CD247: variants seen among roughly 807,000 people sequenced by gnomAD.
The protein encoded by CD247 is CD247 molecule.
A neutral mutation model predicts 30.0 loss-of-function variants in CD247; 13 were observed. The ratio of observed to expected loss-of-function variants is 0.43; its 90% CI spans 0.28 to 0.69. The LOEUF (loss-of-function observed/expected upper bound fraction) is 0.69, where lower values mean the gene tolerates loss of function less well. Among genes scored for constraint, CD247 ranks in the 30% least tolerant of loss-of-function variants. The probability of loss-of-function intolerance (pLI) is 0.16; values close to 1 mark genes in which losing one functional copy is unlikely to be tolerated. For missense variants in CD247, 193 were observed against 212.6 expected, an observed-to-expected ratio of 0.91 and a Z score of 0.57; for synonymous variants, 72 against 80.0, an observed-to-expected ratio of 0.90 and a Z score of 0.53.
chr1:167,493,194 C>T (rs541369387), intron 1 of CD247, among the ~76,000 whole-genome samples: 57 of 152,018 alleles, frequency 3.7e-4, no homozygotes, highest in Non-Finnish European at 5.6e-4. Context: ...AGGTGTCCAC[C>T]ACTATGCCCA....
chr1:167,486,080 GGCCTCAGCTCT>G (rs1654195734), intron 1 of CD247, among the ~76,000 whole-genome samples: 1 of 152,188 alleles, frequency 6.6e-6, no homozygotes, highest in Admixed American at 6.5e-5. Context: ...AGGGGCAGGT[GGCCTCAGCTCT>G]GCTGCTCTCA....
intron 1 of CD247, among the ~76,000 whole-genome samples, chr1:167,507,211 G>A (rs916707212): frequency 2.0e-5 from 3 of 151,724 alleles, no homozygotes; most frequent in Non-Finnish European, 2.9e-5. Flanking sequence ...AAGCCACCAC[G>A]CCTGGCCTGA....
At position 167,494,987 on chromosome 1, in the gene CD247, C is replaced by A. The variant is rs1432821507; in HGVS notation, c.58+23421G>T. 1.3e-5 allele frequency among the ~76,000 whole-genome samples: 2 copies of A among 152,152 alleles called. No individual in the cohort carries two copies. Among genetic ancestry groups the A allele is most frequent in the Non-Finnish European group, 2.9e-5 (2 of 68,024 alleles). On this transcript the variant is annotated intron_variant, in intron 1 of 7. Transcript: ENST00000362089. The surrounding 1 kb of genome is among the most constrained non-coding windows in gnomAD (Gnocchi z 7.3). ...CTTGTGTCCGAGGAGCAGTGTTGGACCCTCAATTCAGACAAAGTGGGAAGG... is the reference window on the plus strand; with the variant it reads ...CTTGTGTCCGAGGAGCAGTGTTGGAACCTCAATTCAGACAAAGTGGGAAGG...
intron 1 of CD247, among the ~76,000 whole-genome samples, chr1:167,467,751 C>G (rs760911385): frequency 6.6e-6 from 1 of 152,294 alleles, no homozygotes; most frequent in East Asian, 1.9e-4. Flanking sequence ...CCACATGAAC[C>G]CCAGCACAGT....
At chr1:167,482,147 G>C (rs1482113357) in intron 1 of CD247, among the ~76,000 whole-genome samples, 2 of 152,190 alleles carry the variant, frequency 1.3e-5, no homozygotes, top group Non-Finnish European at 2.9e-5. Context: ...TCTGGCCTGA[G>C]GATGACCATG....
intron 1 of CD247, among the ~76,000 whole-genome samples, chr1:167,506,510 G>A (rs778685574): frequency 7.2e-5 from 11 of 152,034 alleles, no homozygotes; most frequent in Non-Finnish European, 1.3e-4. Context: ...ACCGTGCCCA[G>A]CGAATATTTT....
intron 1 of CD247, among the ~76,000 whole-genome samples, chr1:167,477,869 C>A (rs1175071550): frequency 6.6e-6 from 1 of 152,146 alleles, no homozygotes; most frequent in African/African-American, 2.4e-5. Flanking sequence ...TATCTTAGTG[C>A]AAAACTTGGA....
chr1:167,490,146 C>T (rs1297196961), intron 1 of CD247, among the ~76,000 whole-genome samples: 1 of 152,206 alleles, frequency 6.6e-6, no homozygotes, highest in Non-Finnish European at 1.5e-5. Flanking sequence ...TATCCGGGAC[C>T]TACGGCGGCG....
At chr1:167,458,264 G>A (rs540861359) in intron 1 of CD247, among the ~76,000 whole-genome samples, 14 of 152,332 alleles carry the variant, frequency 9.2e-5, no homozygotes, top group Middle Eastern at 3.4e-3. Context: ...GCTCTTCACC[G>A]TCCCTGCTGT....
At chr1:167,446,388 A>C (rs1383283651) in intron 1 of CD247, among the ~76,000 whole-genome samples, 1 of 151,880 alleles carries the variant, frequency 6.6e-6, no homozygotes, top group Non-Finnish European at 1.5e-5. Context: ...AGACTCTAAG[A>C]CTCAAATGTG....
chr1:167,461,184 C>T (rs143286485), intron 1 of CD247, among the ~76,000 whole-genome samples: 24 of 152,338 alleles, frequency 1.6e-4, no homozygotes, highest in Non-Finnish European at 2.8e-4. Context: ...GTTCACCTTG[C>T]GGCTTCCAAA....
At chr1:167,516,246 G>A (rs752589205) in intron 1 of CD247, among the ~76,000 whole-genome samples, 2 of 152,270 alleles carry the variant, frequency 1.3e-5, no homozygotes, top group Non-Finnish European at 2.9e-5. Context: ...TAGAGGCACT[G>A]AGGGCTCTGC....
At chr1:167,492,975 C>T (rs1300022177) in intron 1 of CD247, among the ~76,000 whole-genome samples, 1 of 151,678 alleles carries the variant, frequency 6.6e-6, no homozygotes, top group Admixed American at 6.6e-5. Flanking sequence ...GCAGTTGCTG[C>T]CCTCAAATTT....
intron 1 of CD247, among the ~76,000 whole-genome samples, chr1:167,461,207 G>A (rs1423068295): frequency 1.3e-5 from 2 of 152,210 alleles, no homozygotes; most frequent in African/African-American, 2.4e-5. Context: ...CAGCCGGGCC[G>A]CCCCTAGGCA....
chr1:167,452,404 ACT>A (rs1431453760), intron 1 of CD247, among the ~76,000 whole-genome samples: 3 of 140,448 alleles, frequency 2.1e-5, no homozygotes, highest in Non-Finnish European at 4.7e-5. Flanking sequence ...AGGGAGCAAG[ACT>A]CTATCAAAAA....
chr1:167,480,540 T>C (rs1208052578), intron 1 of CD247, among the ~76,000 whole-genome samples: 1 of 152,162 alleles, frequency 6.6e-6, no homozygotes, highest in Admixed American at 6.5e-5. Flanking sequence ...TGTTTTGCAA[T>C]GTCTTAAACC....
At chr1:167,506,892 A>ATTTTTTTTTTTTTTTTTTTTTTTTTTT (rs10587631) in intron 1 of CD247, among the ~76,000 whole-genome samples, 1 of 97,984 alleles carries the variant, frequency 1.0e-5, no homozygotes, top group Non-Finnish European at 1.9e-5. Flanking sequence ...GTTCCCTCTG[A>ATTTTTTTTTTTTTTTTTTTTTTTTTTT]TTTTTTTTTT....
At chr1:167,473,417 C>A (rs780213724) in intron 1 of CD247, among the ~76,000 whole-genome samples, 2 of 152,216 alleles carry the variant, frequency 1.3e-5, no homozygotes, top group Non-Finnish European at 2.9e-5. Context: ...ACCACCCACG[C>A]CCACAGGCTA....
At chr1:167,506,563 A>G (rs1306101765) in intron 1 of CD247, among the ~76,000 whole-genome samples, 1 of 151,832 alleles carries the variant, frequency 6.6e-6, no homozygotes, top group Non-Finnish European at 1.5e-5. Flanking sequence ...TAGAAGAGAC[A>G]GGTTTTTGCT....
Sources: gnomAD v4.1 joint callset for allele counts (sites outside exome capture counted in the v4.1 genomes callset) on GRCh38, gnomAD v4.1.1 for gene constraint, Gnocchi (gnomAD v3.1) non-coding constraint, MANE v1.5 for transcripts, NCBI Gene and HGNC (gene_info 2026-07-23, HGNC 2026-07-21) for gene names.